Variants in TNRC6A observed in about 807,000 individuals in gnomAD.
The protein encoded by TNRC6A is trinucleotide repeat-containing gene 6A protein.
TNRC6A carries 44 observed loss-of-function variants against 221.2 expected under a neutral mutation model. The observed-to-expected ratio is 0.20, with a 90% CI of 0.16 to 0.26. TNRC6A has a LOEUF of 0.26. Ranked by LOEUF, TNRC6A falls within the 10% of genes least tolerant of loss-of-function variation. The pLI is 1.00. For synonymous variants in TNRC6A, 847 were observed against 838.5 expected (o/e 1.01, Z -0.18); for missense variants, 2,199 against 2,404.4 (o/e 0.91, Z 1.79).
chr16:24,693,691 G>T (rs1232292388), intron 2 of TNRC6A, among the ~76,000 whole-genome samples: 1 of 152,152 alleles, frequency 6.6e-6, no homozygotes, highest in Non-Finnish European at 1.5e-5. Flanking sequence ...ATGGAGCCCA[G>T]GAGGTCAAGA....
chr16:24,647,334 A>G (rs968572784), intron 2 of TNRC6A, among the ~76,000 whole-genome samples: 12 of 152,322 alleles, frequency 7.9e-5, no homozygotes, highest in South Asian at 6.2e-4. Flanking sequence ...ACATGTGTAT[A>G]CGCGCATGCA....
At chr16:24,807,750 T>G (rs767995950) in intron 17 of TNRC6A, among the ~76,000 whole-genome samples, 3 of 152,090 alleles carry the variant, frequency 2.0e-5, no homozygotes, top group Non-Finnish European at 1.5e-5. Flanking sequence ...TGCCCTTGAT[T>G]ATATTTTAAC....
At chr16:24,723,711 T>C (rs2056449819) in intron 2 of TNRC6A, among the ~76,000 whole-genome samples, 1 of 152,144 alleles carries the variant, frequency 6.6e-6, no homozygotes, top group South Asian at 2.1e-4. Context: ...TTTATAATTA[T>C]CTGAATACCT....
In TNRC6A at chr16:24,632,439, C is replaced by G. The variant is rs192987823; in HGVS notation, n.277-8445C>G. On this transcript the variant is annotated intron_variant and non_coding_transcript_variant, in intron 1 of 2. Coordinates refer to the TNRC6A transcript ENST00000566108. ...CCTTATTGTCGCCACACCCCACACA[C>G]AATCCATAGTCAAGTTCCTCTGGCC... Among the ~76,000 whole-genome samples the G allele has an allele frequency of 2.0e-5, 3 of 152,302 alleles. No individual in the cohort carries two copies. The East Asian group carries it at 5.8e-4, about 29-fold the overall frequency.
chr16:24,660,608 TAAC>T (rs1315621427), intron 2 of TNRC6A, among the ~76,000 whole-genome samples: 47 of 150,356 alleles, frequency 3.1e-4, no homozygotes, highest in African/African-American at 1.2e-3. Context: ...AGCTTTAGCC[TAAC>T]TCTTAGTGCC....
chr16:24,697,637 A>T (rs558107763), intron 2 of TNRC6A, among the ~76,000 whole-genome samples: 2 of 152,302 alleles, frequency 1.3e-5, no homozygotes, highest in South Asian at 4.1e-4. Flanking sequence ...GTGAGCCAAG[A>T]TTGCACCACT....
intron 5 of TNRC6A, among the ~76,000 whole-genome samples, chr16:24,784,243 C>T (rs1028890338): frequency 3.9e-5 from 6 of 152,166 alleles, no homozygotes; most frequent in African/African-American, 1.4e-4. Flanking sequence ...CTCAGTTGAT[C>T]CTCCCGCCTC....
intron 2 of TNRC6A, among the ~76,000 whole-genome samples, chr16:24,706,279 C>G (rs9302428): frequency 0.68 from 103,533 of 151,948 alleles, 35,718 homozygotes; most frequent in East Asian, 0.89. Flanking sequence ...TTGGAAGTAG[C>G]CTCATTGAGT....
Position 24,666,043 on chromosome 16 carries a change from T to C in TNRC6A, n.402+25034T>C, listed in dbSNP as rs552587145. Among the ~76,000 whole-genome samples the C allele has an allele frequency of 1.6e-4, 24 of 152,242 alleles. No individual in the cohort carries two copies. In the South Asian group the frequency reaches 5.0e-3, roughly 32 times the overall value. ...GAGAAATGATGTTCAAGAGAATAAG[T>C]GTGCCAGGAGCGGTGGATCACGCCT... On this transcript the variant is annotated intron_variant and non_coding_transcript_variant, in intron 2 of 2. Transcript: ENST00000566108.
chr16:24,643,089 ATATT>A (rs1256916525), intron 2 of TNRC6A, among the ~76,000 whole-genome samples: 2 of 136,972 alleles, frequency 1.5e-5, no homozygotes, highest in African/African-American at 2.7e-5. Context: ...TTATATATAT[ATATT>A]TTATATATAT....
chr16:24,772,118 T>G (rs1432802087), intron 4 of TNRC6A, among the ~76,000 whole-genome samples: 1 of 152,166 alleles, frequency 6.6e-6, no homozygotes, highest in Non-Finnish European at 1.5e-5. Flanking sequence ...TTTAGTTGGG[T>G]TTTGTTTTAC....
intron 2 of TNRC6A, among the ~76,000 whole-genome samples, chr16:24,741,306 T>C (rs919729754): frequency 6.6e-6 from 1 of 152,192 alleles, no homozygotes; most frequent in Non-Finnish European, 1.5e-5. Context: ...TTAAGGAAGT[T>C]TTCTTTTATT....
chr16:24,683,168 GT>G (rs1596668055), intron 2 of TNRC6A, among the ~76,000 whole-genome samples: 1 of 152,104 alleles, frequency 6.6e-6, no homozygotes, highest in South Asian at 2.1e-4. Context: ...CTCTCCTGCA[GT>G]TTTTTGGGTT....
At chr16:24,782,928 G>T (rs2057883599) in intron 5 of TNRC6A, among the ~76,000 whole-genome samples, 1 of 152,064 alleles carries the variant, frequency 6.6e-6, no homozygotes, top group African/African-American at 2.4e-5. Context: ...ATTCCCAATG[G>T]TACCATCTCT....
chr16:24,696,751 G>GAAAAAA (rs2055872388), intron 2 of TNRC6A, among the ~76,000 whole-genome samples: 1 of 42,636 alleles, frequency 2.3e-5, no homozygotes, highest in African/African-American at 1.1e-4. Flanking sequence ...AAAAAGAAAG[G>GAAAAAA]AAAGGAAAGG....
rs564921320 is a variant in TNRC6A, at chr16:24,785,600, T to G, written c.590-3632T>G. ...TTTTACCTCTCATTTTTGAGTCATA[T>G]TTTATCAGTTACTACTTCTAAAACT... On this transcript the variant is annotated intron_variant, in intron 5 of 24. Transcript: ENST00000395799. Among the ~76,000 whole-genome samples the G allele has an allele frequency of 3.3e-5, 5 of 152,346 alleles. No individual in the cohort carries two copies. The South Asian group carries it at 8.3e-4, about 25-fold the overall frequency.
rs1555489486 is a variant in TNRC6A at position 24,687,843 on chromosome 16, G to GGAAGAGGAAGAGGAAGAA, written n.402+46839_402+46840insGGAAGAGGAAGAAGAAGA. ...AAGAGGAAGAAGAGGAAGAGGAAGA[G>GGAAGAGGAAGAGGAAGAA]GAAGAAGAAGAAGAAGAAGAAGAAG... is the stretch of plus-strand genomic sequence containing the variant. On this transcript the variant is annotated intron_variant and non_coding_transcript_variant, in intron 2 of 2. Transcript: ENST00000566108. Among the ~76,000 whole-genome samples, 433 of 101,916 alleles carry GGAAGAGGAAGAGGAAGAA rather than the reference G, an allele frequency of 4.2e-3. 17 individuals are homozygous for GGAAGAGGAAGAGGAAGAA. The East Asian group carries it at 0.056, about 13-fold the overall frequency. 66.9% of individuals were successfully genotyped at this position (101,916 alleles called of 152,430 possible).
At chr16:24,732,373 G>T (rs556462730) in intron 2 of TNRC6A, among the ~76,000 whole-genome samples, 13 of 152,262 alleles carry the variant, frequency 8.5e-5, no homozygotes, top group East Asian at 1.9e-4. Context: ...CTGTGGGACT[G>T]GGCACTAAGC....
intron 1 of TNRC6A, among the ~76,000 whole-genome samples, chr16:24,635,793 A>G (rs1901609068): frequency 6.6e-6 from 1 of 152,128 alleles, no homozygotes; most frequent in African/African-American, 2.4e-5. Flanking sequence ...CAGTAGCTGT[A>G]CCTTATATTT....
Sources: gnomAD v4.1 joint callset for allele counts (sites outside exome capture counted in the v4.1 genomes callset) on GRCh38, gnomAD v4.1.1 for gene constraint, MANE v1.5 for transcripts, NCBI Gene and HGNC (gene_info 2026-07-23, HGNC 2026-07-21) for gene names.